Variants in ATP6V0A2 observed in about 807,000 individuals in gnomAD.
ATP6V0A2 encodes the protein ATPase H+ transporting V0 subunit a2, also known as V-type proton ATPase 116 kDa subunit a 2.
ATP6V0A2 carries 58 observed loss-of-function variants against 104.4 expected under a neutral mutation model. The ratio of observed to expected loss-of-function variants is 0.56; its 90% CI spans 0.45 to 0.69. The LOEUF (loss-of-function observed/expected upper bound fraction) is 0.69. Ranked by LOEUF, ATP6V0A2 falls within the 30% of genes least tolerant of loss-of-function variation. ATP6V0A2 has a pLI of 0.00. For synonymous variants in ATP6V0A2, 376 were observed against 397.9 expected, an observed-to-expected ratio of 0.95 and a Z score of 0.65; for missense variants, 938 against 1,062.9, an observed-to-expected ratio of 0.88 and a Z score of 1.63.
Position 123,748,623 on chromosome 12 carries a change from T to C in ATP6V0A2, c.1773T>C (p.Leu591=), listed in dbSNP as rs1221917942. 6.2e-7 allele frequency: 1 copy of C among 1,614,196 alleles called. No individual in the cohort carries two copies. The highest frequency in any genetic ancestry group is 1.1e-5 in the South Asian group (1 of 91,084). ...FNIYLVSIPE[L]LFMLCIFGYL... is the part of the protein sequence containing the mutation. ...TTTACCTGGTTTCCATCCCGGAACTTCTCTTCATGCTCTGTATCTTTGGAT... is the reference window on the plus strand; with the variant it reads ...TTTACCTGGTTTCCATCCCGGAACTCCTCTTCATGCTCTGTATCTTTGGAT... Residue 591 remains leucine (L), a synonymous_variant, in exon 15 of 20, where the codon CTT becomes CTC. Coordinates refer to ENST00000330342, the MANE Select transcript of ATP6V0A2 (RefSeq NM_012463.4).
chr12:123,744,848 C>T lies in ATP6V0A2; in HGVS notation c.1515-34C>T. 2.5e-6 allele frequency: 4 copies of T among 1,613,976 alleles called. No homozygotes were observed. Among genetic ancestry groups the T allele is most frequent in the Non-Finnish European group, 3.4e-6 (4 of 1,179,862 alleles). ...CATGTTTCCTAGACCTTCCTCCTCC[C>T]AGGTCAGCCTCCTCACTCTGCTTTT... is the stretch of plus-strand genomic sequence containing the variant. On this transcript the variant is annotated intron_variant, in intron 12 of 19. Coordinates refer to ENST00000330342, the MANE Select transcript of ATP6V0A2 (RefSeq NM_012463.4). This position sits in a 1 kb window ranked among gnomAD's most constrained non-coding sequence, Gnocchi z 5.4.
chr12:123,742,117 T>A (rs553281135), intron 9 of ATP6V0A2, among the ~76,000 whole-genome samples: 1 of 152,238 alleles, frequency 6.6e-6, no homozygotes, highest in Non-Finnish European at 1.5e-5. Flanking sequence ...GTTTAGGGAC[T>A]GGGCTGCCCT....
At chr12:123,733,875 T>G (rs1212546479) in intron 6 of ATP6V0A2, 51 bp from the exon 7 acceptor site, 1 of 1,384,442 alleles carries the variant, frequency 7.2e-7, no homozygotes, top group East Asian at 2.3e-5. Context: ...GCCGAAGTTC[T>G]AGAAGTTTAT....
intron 2 of ATP6V0A2, 118 bp downstream of exon 2, chr12:123,718,819 C>A (rs1956369481): frequency 1.4e-6 from 1 of 702,390 alleles, no homozygotes. Context: ...AAATTGTATT[C>A]TCATTCAGAA....
At position 123,744,076 on chromosome 12, in the gene ATP6V0A2, A is replaced by G; in HGVS notation, c.1190-125A>G. On this transcript the variant is annotated intron_variant, in intron 10 of 19. Coordinates refer to ENST00000330342, the MANE Select transcript of ATP6V0A2 (RefSeq NM_012463.4). The surrounding 1 kb of genome is among the most constrained non-coding windows in gnomAD (Gnocchi z 5.4). ...TTTAAAAGTATAAGGTTTTAAATGT[A>G]ACCACACAATCCTATCTTGTGAATT... is the stretch of plus-strand genomic sequence containing the variant. 6.5e-7 allele frequency: 1 copy of G among 1,538,180 alleles called. No individual in the cohort carries two copies. The highest frequency in any genetic ancestry group is 9.0e-7 in the Non-Finnish European group (1 of 1,113,112).
chr12:123,718,788 A>G, intron 2 of ATP6V0A2, 87 bp downstream of exon 2: 4 of 931,448 alleles, frequency 4.3e-6, no homozygotes, highest in Non-Finnish European at 6.7e-6. Context: ...GAAAATATAG[A>G]CAAGCAGAAA....
chr12:123,713,388 C>T (rs912354693), intron 1 of ATP6V0A2, among the ~76,000 whole-genome samples: 1 of 152,178 alleles, frequency 6.6e-6, no homozygotes, highest in East Asian at 1.9e-4. Context: ...AGCTGTCTCC[C>T]CAACAAGTAA....
intron 6 of ATP6V0A2, chr12:123,732,287 C>G (rs1956508616): frequency 1.3e-5 from 2 of 154,102 alleles, no homozygotes; most frequent in Non-Finnish European, 2.9e-5. Context: ...CCCTCCTGGT[C>G]CAGGTCTCGT....
At position 123,734,745 on chromosome 12, in the gene ATP6V0A2, G is replaced by A. The variant is rs549574599; in HGVS notation, c.731+737G>A. The stretch of plus-strand genomic sequence containing the variant: ...CTTGCCTTGTTTCTTGCAGGGTGGA[G>A]GGGGGTTTGGGCATTTTCTGTTTAC... On this transcript the variant is annotated intron_variant, in intron 7 of 19. Coordinates refer to ENST00000330342, the MANE Select transcript of ATP6V0A2 (RefSeq NM_012463.4). 9.8e-5 allele frequency among the ~76,000 whole-genome samples: 15 copies of A among 152,308 alleles called. 1 individual carries two copies. In the South Asian group the frequency reaches 2.9e-3, roughly 29 times the overall value.
chr12:123,727,134 G>A (rs1956455200), intron 5 of ATP6V0A2, among the ~76,000 whole-genome samples: 1 of 152,166 alleles, frequency 6.6e-6, no homozygotes, highest in African/African-American at 2.4e-5. Context: ...CAGCTGGAGA[G>A]GTGAGTCAGT....
At chr12:123,750,290 C>T (rs1484235916) in intron 15 of ATP6V0A2, 3 of 152,306 alleles carry the variant, frequency 2.0e-5, no homozygotes, top group African/African-American at 7.2e-5. Flanking sequence ...CAGGGCAGTC[C>T]TGGTCACTCA....
chr12:123,737,752 C>T (rs1956569838), intron 9 of ATP6V0A2: 1 of 179,738 alleles, frequency 5.6e-6, no homozygotes, highest in Non-Finnish European at 1.2e-5. Flanking sequence ...CAAAGATAAC[C>T]ATTACTTCAG....
chr12:123,748,545 G>A (rs200061202), intron 14 of ATP6V0A2, 30 bp from the exon 15 acceptor site: 21 of 1,524,272 alleles, frequency 1.4e-5, no homozygotes, highest in Middle Eastern at 3.4e-4. Flanking sequence ...GATCTTGTTC[G>A]TGGGTTGATT....
chr12:123,730,203 C>T (rs1043007817), intron 6 of ATP6V0A2, among the ~76,000 whole-genome samples: 9 of 151,882 alleles, frequency 5.9e-5, no homozygotes, highest in African/African-American at 1.9e-4. Context: ...TACAGGAGGC[C>T]GCCACCGCTC....
At position 123,737,312 on chromosome 12, in the gene ATP6V0A2, G is replaced by T. The variant is rs372072821; in HGVS notation, c.1038+41G>T. The T allele has an allele frequency of 1.3e-5, 21 of 1,585,014 alleles. No homozygotes were observed. In the African/African-American group the frequency reaches 2.3e-4, roughly 17 times the overall value. On this transcript the variant is annotated intron_variant, in intron 9 of 19. Transcript: ENST00000330342. ...TCTCCTCTGCCAGGAACAGAAGAGA[G>T]ACTGATGGAACTGATAAATTCAGAG...
At chr12:123,747,765 A>C (rs1301669124) in intron 14 of ATP6V0A2, 40 bp downstream of exon 14, 10 of 1,366,054 alleles carry the variant, frequency 7.3e-6, no homozygotes, top group Non-Finnish European at 1.0e-5. Context: ...TTATAAACCA[A>C]ACTTGGCATT....
intron 15 of ATP6V0A2, among the ~76,000 whole-genome samples, chr12:123,749,248 C>T (rs538499225): frequency 6.6e-6 from 1 of 152,274 alleles, no homozygotes; most frequent in East Asian, 1.9e-4. Context: ...ATAACTGCAC[C>T]ACTGCACTCC....
Position 123,734,009 on chromosome 12 carries a change from G to C in ATP6V0A2, c.731+1G>C. 1 of 1,608,756 alleles carries C rather than the reference G, an allele frequency of 6.2e-7. No homozygotes were observed. Among genetic ancestry groups the C allele is most frequent in the Non-Finnish European group, 8.5e-7 (1 of 1,175,648 alleles). ...ACAAGGTTAAGAAGATATGTGATTG[G>C]TAAGAAAAAGAAACATTTCATTTCA... On this transcript the variant is annotated splice_donor_variant, in intron 7 of 19. Coordinates refer to ENST00000330342, the MANE Select transcript of ATP6V0A2 (RefSeq NM_012463.4). LOFTEE classifies it high-confidence loss of function.
chr12:123,746,651 A>G (rs2135912521), intron 13 of ATP6V0A2, among the ~76,000 whole-genome samples: 1 of 151,036 alleles, frequency 6.6e-6, no homozygotes. Context: ...AAAAAAAAAA[A>G]AAAAAAAAAA....
Sources: allele counts gnomAD v4.1 joint callset (sites outside exome capture counted in the v4.1 genomes callset), GRCh38; gene constraint gnomAD v4.1.1; non-coding constraint Gnocchi (gnomAD v3.1); transcripts MANE v1.5; gene names NCBI Gene and HGNC (gene_info 2026-07-23, HGNC 2026-07-21).